The following ZNF536 variants were observed in gnomAD, a reference collection of about 807,000 sequenced individuals.
ZNF536 encodes zinc finger protein 536.
A neutral mutation model predicts 84.5 loss-of-function variants in ZNF536; 13 were observed. That is an observed-to-expected ratio of 0.15 (90% CI 0.10 to 0.24). ZNF536 has a LOEUF of 0.24. Ranked by LOEUF, ZNF536 falls within the 10% of genes least tolerant of loss-of-function variation. The pLI is 1.00. For missense variants in ZNF536, 1,536 were observed against 1,747.5 expected, an observed-to-expected ratio of 0.88 and a Z score of 2.16; for synonymous variants, 811 against 742.5, an observed-to-expected ratio of 1.09 and a Z score of -1.50.
At chr19:30,669,227 G>A (rs2050451014) in intron 1 of ZNF536, among the ~76,000 whole-genome samples, 1 of 152,226 alleles carries the variant, frequency 6.6e-6, no homozygotes, top group Non-Finnish European at 1.5e-5. Context: ...ACCTGCAGCT[G>A]GGTAGACTGC....
At chr19:30,567,909 C>T (rs868044702) in intron 1 of ZNF536, among the ~76,000 whole-genome samples, 4 of 152,058 alleles carry the variant, frequency 2.6e-5, no homozygotes, top group African/African-American at 7.2e-5. Flanking sequence ...GGATCTTAGG[C>T]CTTTGAGGCT....
At position 30,634,770 on chromosome 19, in the gene ZNF536, C is replaced by A. The variant is rs935186207; in HGVS notation, c.170-75987C>A. On this transcript the variant is annotated intron_variant, in intron 1 of 1. Transcript: ENST00000592773. ...CCAACCAGAAAGGGGACGGGATTTT[C>A]ATTTCGGGAGTGCAGCTCGTTATGG... 5.9e-5 allele frequency among the ~76,000 whole-genome samples: 9 copies of A among 152,004 alleles called. 1 individual carries two copies. The highest frequency in any genetic ancestry group is 1.9e-4 in the African/African-American group (8 of 41,402).
intron 2 of ZNF536, among the ~76,000 whole-genome samples, chr19:30,325,199 C>T (rs929371278): frequency 9.9e-5 from 15 of 152,210 alleles, no homozygotes; most frequent in Non-Finnish European, 1.8e-4. Flanking sequence ...CGCACTTTGC[C>T]TTCTGGGGGC....
At chr19:30,381,676 G>A (rs1203579275) in intron 1 of ZNF536, among the ~76,000 whole-genome samples, 1 of 152,196 alleles carries the variant, frequency 6.6e-6, no homozygotes, top group African/African-American at 2.4e-5. Flanking sequence ...CTGGGGCAAG[G>A]GGCTAATTCC....
chr19:30,564,942 G>A (rs908863147), intron 1 of ZNF536, among the ~76,000 whole-genome samples: 2 of 152,126 alleles, frequency 1.3e-5, no homozygotes, highest in Non-Finnish European at 2.9e-5. Context: ...CAGGGGTGGA[G>A]AACAGCCACT....
rs556633186 is a variant in ZNF536, at chr19:30,261,156, G to C, written c.-189-22916G>C. On this transcript the variant is annotated intron_variant, in intron 1 of 5. Coordinates refer to the ZNF536 transcript ENST00000585628. The stretch of plus-strand genomic sequence containing the variant: ...TACTAAAAATACAAAAAATTAGCCG[G>C]GCGTAGTGGCGGGCGCCTGTAGTCC... 5.1e-3 allele frequency among the ~76,000 whole-genome samples: 768 copies of C among 151,078 alleles called. 5 individuals are homozygous for C. The highest frequency in any genetic ancestry group is 0.018 in the African/African-American group (743 of 41,282).
intron 1 of ZNF536, among the ~76,000 whole-genome samples, chr19:30,694,537 C>T (rs565129210): frequency 2.0e-5 from 3 of 152,260 alleles, no homozygotes; most frequent in Non-Finnish European, 2.9e-5. Flanking sequence ...TGCCAGGCAG[C>T]GGGAATAAGT....
intron 2 of ZNF536, among the ~76,000 whole-genome samples, chr19:30,306,958 G>A (rs1297854969): frequency 6.6e-6 from 1 of 152,140 alleles, no homozygotes; most frequent in Non-Finnish European, 1.5e-5. Context: ...CAGTAATTGA[G>A]AGAAGTTGAG....
intron 2 of ZNF536, among the ~76,000 whole-genome samples, chr19:30,328,549 G>T (rs1359446830): frequency 6.6e-6 from 1 of 152,208 alleles, no homozygotes; most frequent in Admixed American, 6.5e-5. Context: ...GTGATGCATT[G>T]TTCTGGCTGT....
intron 2 of ZNF536, among the ~76,000 whole-genome samples, chr19:30,474,667 A>G (rs933376049): frequency 6.6e-6 from 1 of 152,162 alleles, no homozygotes; most frequent in Non-Finnish European, 1.5e-5. Context: ...ATTGATTACT[A>G]TTAATTAAGG....
chr19:30,275,631 A>C (rs1430333204), intron 1 of ZNF536, among the ~76,000 whole-genome samples: 1 of 152,094 alleles, frequency 6.6e-6, no homozygotes, highest in African/African-American at 2.4e-5. Flanking sequence ...TGAGCTCTTA[A>C]CCTCAGACAC....
chr19:30,590,930 G>A (rs2047257867), intron 1 of ZNF536, among the ~76,000 whole-genome samples: 2 of 152,232 alleles, frequency 1.3e-5, no homozygotes, highest in South Asian at 4.1e-4. Context: ...AGGGGCAAAG[G>A]GCACCTGCAG....
chr19:30,544,594 T>C (rs2045469756), intron 3 of ZNF536, among the ~76,000 whole-genome samples: 1 of 152,108 alleles, frequency 6.6e-6, no homozygotes, highest in Non-Finnish European at 1.5e-5. Context: ...ATATGTCTCC[T>C]CCAAAAGCCA....
At chr19:30,438,643 T>C (rs1600727563) in intron 1 of ZNF536, among the ~76,000 whole-genome samples, 1 of 152,220 alleles carries the variant, frequency 6.6e-6, no homozygotes, top group Non-Finnish European at 1.5e-5. Flanking sequence ...TTCCAGCAGG[T>C]CTTTTATTTG....
At chr19:30,231,338 C>G (rs2023027834) in intron 1 of ZNF536, among the ~76,000 whole-genome samples, 1 of 152,200 alleles carries the variant, frequency 6.6e-6, no homozygotes, top group Non-Finnish European at 1.5e-5. Context: ...CAGGTGGCAT[C>G]TCTCAGGCTG....
intron 1 of ZNF536, among the ~76,000 whole-genome samples, chr19:30,272,451 A>G (rs2025904635): frequency 6.6e-6 from 1 of 152,196 alleles, no homozygotes; most frequent in Admixed American, 6.5e-5. Flanking sequence ...CATAATTTAT[A>G]TTCAGATTCA....
rs139445025 is a variant in ZNF536, at chr19:30,337,193, G to A, written c.-119-15175G>A. 8.0e-3 allele frequency among the ~76,000 whole-genome samples: 1,214 copies of A among 152,236 alleles called. 11 individuals are homozygous for A. Among genetic ancestry groups the A allele is most frequent in the African/African-American group, 0.027 (1,131 of 41,532 alleles). ...GGAGACTGATGGAAACCCCTGCTGAGGCTCTCAGGGCTAGGAAAGCCAAGG... is the reference window on the plus strand; with the variant it reads ...GGAGACTGATGGAAACCCCTGCTGAAGCTCTCAGGGCTAGGAAAGCCAAGG... On this transcript the variant is annotated intron_variant, in intron 2 of 5. Coordinates refer to the ZNF536 transcript ENST00000585628.
chr19:30,310,886 G>A (rs916430565), intron 2 of ZNF536, among the ~76,000 whole-genome samples: 2 of 152,192 alleles, frequency 1.3e-5, no homozygotes, highest in African/African-American at 2.4e-5. Flanking sequence ...GGGCTGTGGC[G>A]GAGGGCTACT....
chr19:30,491,814 GA>G (rs1262046074), intron 2 of ZNF536, among the ~76,000 whole-genome samples: 3 of 151,720 alleles, frequency 2.0e-5, no homozygotes, highest in Middle Eastern at 3.4e-3. Flanking sequence ...GAAACTCAAT[GA>G]TTTCTTTTCC....
Sources: gnomAD v4.1 joint callset for allele counts (sites outside exome capture counted in the v4.1 genomes callset) on GRCh38, gnomAD v4.1.1 for gene constraint, MANE v1.5 for transcripts, NCBI Gene and HGNC (gene_info 2026-07-23, HGNC 2026-07-21) for gene names.